Variants in IQCM observed in about 807,000 individuals in gnomAD.
IQCM encodes the protein IQ domain-containing protein M.
IQCM carries 45 observed loss-of-function variants against 57.6 expected under a neutral mutation model. The ratio of observed to expected loss-of-function variants is 0.78; its 90% CI spans 0.62 to 1.00. IQCM has a LOEUF of 1.00. IQCM is among the 50% of genes least tolerant of loss of function. The pLI is 0.00. For synonymous variants in IQCM, 148 were observed against 158.9 expected, an observed-to-expected ratio of 0.93 and a Z score of 0.51; for missense variants, 468 against 511.6, an observed-to-expected ratio of 0.91 and a Z score of 0.82.
intron 2 of IQCM, among the ~76,000 whole-genome samples, chr4:149,800,004 T>A (rs1300830859): frequency 6.6e-6 from 1 of 151,628 alleles, no homozygotes; most frequent in African/African-American, 2.4e-5. Context: ...TTCCACAATC[T>A]AGTAATACCC....
At chr4:149,616,695 A>ACAG (rs1204131091) in intron 8 of IQCM, among the ~76,000 whole-genome samples, 1 of 152,122 alleles carries the variant, frequency 6.6e-6, no homozygotes, top group African/African-American at 2.4e-5. Context: ...TTACATGGAC[A>ACAG]CAGGGAGGGG....
At chr4:149,434,068 T>G (rs1735124825) in intron 12 of IQCM, among the ~76,000 whole-genome samples, 1 of 152,124 alleles carries the variant, frequency 6.6e-6, no homozygotes, top group Non-Finnish European at 1.5e-5. Context: ...ACATATTATG[T>G]GCAAAGGATT....
chr4:149,481,954 T>C (rs971964408), intron 12 of IQCM, among the ~76,000 whole-genome samples: 4 of 151,250 alleles, frequency 2.6e-5, no homozygotes, highest in African/African-American at 9.7e-5. Context: ...TCAATTTTTC[T>C]CATCAGTGTT....
rs567201101 is a variant in IQCM at position 149,681,620 on chromosome 4, A to G, written c.565+498T>C. ...CTGAAATCAATAAAAGTCCTACTTT[A>G]CAAGAAGAGTTTTACCTTAATGACA... On this transcript the variant is annotated intron_variant, in intron 7 of 13. Transcript: ENST00000636793. Among the ~76,000 whole-genome samples, 104 of 151,300 alleles carry G rather than the reference A, an allele frequency of 6.9e-4. 1 individual carries two copies. In the South Asian group the frequency reaches 0.015, roughly 22 times the overall value.
intron 13 of IQCM, among the ~76,000 whole-genome samples, chr4:149,380,569 G>A (rs534071166): frequency 2.0e-4 from 30 of 152,108 alleles, no homozygotes; most frequent in Non-Finnish European, 3.1e-4. Context: ...AAACTGGCCA[G>A]ATTCTCTTTC....
intron 8 of IQCM, among the ~76,000 whole-genome samples, chr4:149,601,676 C>G (rs1313808792): frequency 6.6e-6 from 1 of 152,182 alleles, no homozygotes; most frequent in Non-Finnish European, 1.5e-5. Context: ...TATACTACTA[C>G]ATTTTATGAA....
In IQCM at chr4:149,445,866, G is replaced by A. The variant is rs147959667; in HGVS notation, c.1229-12309C>T. Among the ~76,000 whole-genome samples the A allele has an allele frequency of 5.6e-3, 843 of 151,806 alleles. 5 individuals are homozygous for A. The highest frequency in any genetic ancestry group is 0.031 in the Middle Eastern group (9 of 294). ...CATTTTTTCCCTGAGAAATACAGCT[G>A]CCCATTCACTTATTTTGTCATATGA... On this transcript the variant is annotated intron_variant, in intron 12 of 13. Coordinates refer to ENST00000636793, the MANE Select transcript of IQCM (RefSeq NM_001363507.2).
chr4:149,451,186 G>A (rs765392297), intron 12 of IQCM, among the ~76,000 whole-genome samples: 1 of 151,748 alleles, frequency 6.6e-6, no homozygotes, highest in Non-Finnish European at 1.5e-5. Flanking sequence ...TCCAGAGGCT[G>A]CGAAGGGAAG....
At chr4:149,694,264 G>A (rs1447253396) in intron 5 of IQCM, among the ~76,000 whole-genome samples, 1 of 118,306 alleles carries the variant, frequency 8.5e-6, no homozygotes, top group Non-Finnish European at 1.6e-5. Flanking sequence ...TCGCTCTGTC[G>A]CCCAGGCTGG....
rs1416626648 is a variant in IQCM at position 149,802,960 on chromosome 4, T to G, written c.-49+12351A>C. 3.3e-5 allele frequency among the ~76,000 whole-genome samples: 5 copies of G among 152,090 alleles called. No homozygotes were observed. The East Asian group carries it at 9.7e-4, about 29-fold the overall frequency. On this transcript the variant is annotated intron_variant, in intron 2 of 13. Coordinates refer to ENST00000636793, the MANE Select transcript of IQCM (RefSeq NM_001363507.2). Reference sequence around the variant, plus strand: ...GAGGTCAGGAACAATCCTAAAAATTTAATATATATGATCTCATTTCATCAT... The same window carrying G: ...GAGGTCAGGAACAATCCTAAAAATTGAATATATATGATCTCATTTCATCAT...
chr4:149,372,861 T>C (rs1454800744), intron 13 of IQCM, among the ~76,000 whole-genome samples: 2 of 152,148 alleles, frequency 1.3e-5, no homozygotes, highest in Non-Finnish European at 2.9e-5. Flanking sequence ...GCATCTACTA[T>C]ACTGGTAGTA....
intron 13 of IQCM, among the ~76,000 whole-genome samples, chr4:149,381,483 G>A (rs752428705): frequency 5.9e-5 from 9 of 151,702 alleles, no homozygotes; most frequent in African/African-American, 9.7e-5. Flanking sequence ...TTCCAATTAC[G>A]TAGGCGTCTC....
At chr4:149,623,138 T>C (rs941813632) in intron 7 of IQCM, among the ~76,000 whole-genome samples, 1 of 152,118 alleles carries the variant, frequency 6.6e-6, no homozygotes, top group Non-Finnish European at 1.5e-5. Flanking sequence ...TGTACTCCCA[T>C]GAATGTGTAC....
chr4:149,489,768 T>A (rs1741891713), intron 12 of IQCM, among the ~76,000 whole-genome samples: 1 of 151,554 alleles, frequency 6.6e-6, no homozygotes, highest in South Asian at 2.1e-4. Flanking sequence ...AATACATATA[T>A]GTGTGTGTGT....
chr4:149,565,098 C>T (rs1201206689), intron 9 of IQCM, among the ~76,000 whole-genome samples: 2 of 151,832 alleles, frequency 1.3e-5, no homozygotes, highest in Non-Finnish European at 2.9e-5. Context: ...TTATTTCTGC[C>T]CTCTCACAAA....
rs576129287 is a variant in IQCM at position 149,503,631 on chromosome 4, AT to A, written c.1228+44823del. 6.6e-5 allele frequency among the ~76,000 whole-genome samples: 10 copies of A among 152,136 alleles called. No individual in the cohort carries two copies. In the East Asian group the frequency reaches 7.7e-4, roughly 12 times the overall value. On this transcript the variant is annotated intron_variant, in intron 12 of 13. Transcript: ENST00000636793. ...TAGGATATAAGGTATTTTTCTATAA[AT>A]TTTTTTTGAAGGTATATGCCAGTGA...
At chr4:149,723,645 T>C (rs923985462) in intron 5 of IQCM, among the ~76,000 whole-genome samples, 4 of 152,060 alleles carry the variant, frequency 2.6e-5, no homozygotes, top group African/African-American at 9.7e-5. Context: ...ACCCTCTTGA[T>C]CATGGTGAAT....
At chr4:149,652,204 G>C (rs1232021849) in intron 7 of IQCM, among the ~76,000 whole-genome samples, 1 of 151,916 alleles carries the variant, frequency 6.6e-6, no homozygotes, top group African/African-American at 2.4e-5. Context: ...CACAGGAACA[G>C]CAAACACTTC....
At chr4:149,775,850 G>T (rs1771037777) in intron 2 of IQCM, among the ~76,000 whole-genome samples, 1 of 152,138 alleles carries the variant, frequency 6.6e-6, no homozygotes, top group Admixed American at 6.5e-5. Flanking sequence ...CTAAATGAAA[G>T]GTGCTGAGCT....
Sources: allele counts gnomAD v4.1 joint callset (sites outside exome capture counted in the v4.1 genomes callset), GRCh38; gene constraint gnomAD v4.1.1; transcripts MANE v1.5; gene names NCBI Gene and HGNC (gene_info 2026-07-23, HGNC 2026-07-21).